Variants in FARP1 observed in about 807,000 individuals in gnomAD.
FARP1 encodes the protein FERM, ARHGEF and pleckstrin domain-containing protein 1.
Under a neutral mutation model 128.8 loss-of-function variants are expected in FARP1, and 52 were observed. The observed-to-expected ratio is 0.40, with a 90% confidence interval of 0.32 to 0.51. The LOEUF (loss-of-function observed/expected upper bound fraction) is 0.51, where lower values mean the gene tolerates loss of function less well. FARP1 is among the 20% of genes least tolerant of loss of function. The pLI, the probability that FARP1 is intolerant of heterozygous loss-of-function variation, is 0.45. For synonymous variants in FARP1, 580 were observed against 551.8 expected (o/e 1.05, Z -0.72); for missense variants, 1,333 against 1,367.9 (o/e 0.97, Z 0.40).
At chr13:98,353,850 A>AT (rs2139920503) in intron 3 of FARP1, among the ~76,000 whole-genome samples, 1 of 151,018 alleles carries the variant, frequency 6.6e-6, no homozygotes, top group East Asian at 1.9e-4. Context: ...GGTAGATCTC[A>AT]TGTTAACTCT....
chr13:98,406,994 GC>G (rs1219907710), intron 13 of FARP1: 3 of 152,676 alleles, frequency 2.0e-5, no homozygotes, highest in African/African-American at 7.2e-5. Context: ...GCTGTCTAGG[GC>G]CTGTTAGTTG....
intron 2 of FARP1, among the ~76,000 whole-genome samples, chr13:98,229,012 C>G (rs1881957114): frequency 6.6e-6 from 1 of 152,134 alleles, no homozygotes; most frequent in Non-Finnish European, 1.5e-5. Flanking sequence ...TTGTATAAAA[C>G]TTATCTTTGA....
intron 5 of FARP1, among the ~76,000 whole-genome samples, chr13:98,376,689 C>T (rs571799858): frequency 6.6e-6 from 1 of 151,698 alleles, no homozygotes; most frequent in Non-Finnish European, 1.5e-5. Context: ...TTTTCAGGAA[C>T]CTCCAAACTG....
At chr13:98,158,838 T>G (rs1198665416) in intron 1 of FARP1, among the ~76,000 whole-genome samples, 1 of 152,130 alleles carries the variant, frequency 6.6e-6, no homozygotes, top group African/African-American at 2.4e-5. Flanking sequence ...GGTTGTGTCT[T>G]CCGTCTGCGT....
At chr13:98,276,889 A>G (rs1884678045) in intron 2 of FARP1, among the ~76,000 whole-genome samples, 1 of 133,760 alleles carries the variant, frequency 7.5e-6, no homozygotes, top group South Asian at 2.3e-4. Flanking sequence ...GGTGGGAGGA[A>G]GGTAAAAAGG....
chr13:98,201,994 T>C (rs1276289691), intron 1 of FARP1, among the ~76,000 whole-genome samples: 1 of 152,232 alleles, frequency 6.6e-6, no homozygotes, highest in African/African-American at 2.4e-5. Context: ...GTTGTTTCTT[T>C]TGCTCACAGA....
intron 5 of FARP1, among the ~76,000 whole-genome samples, chr13:98,370,697 G>C (rs1294833780): frequency 6.6e-6 from 1 of 152,152 alleles, no homozygotes. Flanking sequence ...CCTGTTAGCT[G>C]TCCCATGACC....
chr13:98,372,450 C>G (rs1889389806), intron 5 of FARP1, among the ~76,000 whole-genome samples: 1 of 152,092 alleles, frequency 6.6e-6, no homozygotes, highest in Admixed American at 6.5e-5. Context: ...TTTAGCCACC[C>G]TTTGTTCTTC....
In FARP1 at chr13:98,431,245, A is replaced by ACCCG; in HGVS notation, c.2111_2114dup (p.Ser706AlafsTer47). The ACCCG allele has an allele frequency of 6.5e-7, 1 of 1,536,712 alleles. No individual in the cohort carries two copies. Among genetic ancestry groups the ACCCG allele is most frequent in the South Asian group, 1.2e-5 (1 of 81,146 alleles). On this transcript the variant is annotated frameshift_variant, in exon 18 of 27. Transcript: ENST00000319562. LOFTEE classifies it high-confidence loss of function. Reference sequence around the variant, plus strand: ...GTCCTGGAGCGGCTGTGCAAACACCACCCGCCGAGCCACGCCGACTTCAGG... The same window carrying ACCCG: ...GTCCTGGAGCGGCTGTGCAAACACCACCCGCCCGCCGAGCCACGCCGACTTCAGG...
In FARP1 at chr13:98,451,074, C is replaced by A. The variant is rs1442440600; in HGVS notation, c.*2757C>A. 6.6e-6 allele frequency: 1 copy of A among 152,172 alleles called. No individual in the cohort carries two copies. Among genetic ancestry groups the A allele is most frequent in the African/African-American group, 2.4e-5 (1 of 41,430 alleles). The allele number at this position is 152,172 out of a possible 1,614,324, so 9.4% of individuals were successfully genotyped here. ...ATACCAGTATTCATTAGAACCCAGT[C>A]CCTCGAGCGGCTCACCCACTGTTAC... is the stretch of plus-strand genomic sequence containing the variant. On this transcript the variant is annotated 3_prime_UTR_variant, in exon 27 of 27. Transcript: ENST00000319562.
chr13:98,224,536 AAAAAAAAAAG>A (rs1338651898), intron 2 of FARP1, among the ~76,000 whole-genome samples: 13 of 51,438 alleles, frequency 2.5e-4, no homozygotes, highest in African/African-American at 5.2e-4. Context: ...CAAAAAAAAA[AAAAAAAAAAG>A]AAAAAAAAAA....
chr13:98,313,544 G>A (rs1470580637), intron 2 of FARP1, among the ~76,000 whole-genome samples: 1 of 152,204 alleles, frequency 6.6e-6, no homozygotes, highest in Non-Finnish European at 1.5e-5. Context: ...TGAACTGTGA[G>A]AGAATAAACT....
chr13:98,182,261 GT>G (rs34992049), intron 1 of FARP1, among the ~76,000 whole-genome samples: 92,042 of 151,618 alleles, frequency 0.61, 28,745 homozygotes, highest in East Asian at 0.74. Context: ...TCTTTTTACT[GT>G]TTTTTTTTAC....
At chr13:98,317,988 T>TTCCTCTCTCCTTC in intron 2 of FARP1, among the ~76,000 whole-genome samples, 2 of 144,126 alleles carry the variant, frequency 1.4e-5, no homozygotes, top group South Asian at 2.3e-4. Context: ...CTCTCCTTCC[T>TTCCTCTCTCCTTC]CTTCCTCATC....
chr13:98,209,231 A>T (rs1880502708), intron 1 of FARP1, among the ~76,000 whole-genome samples: 1 of 151,816 alleles, frequency 6.6e-6, no homozygotes, highest in Non-Finnish European at 1.5e-5. Flanking sequence ...GATGGTCTCG[A>T]TCTCCTGACC....
intron 2 of FARP1, among the ~76,000 whole-genome samples, chr13:98,240,539 A>T (rs1198680068): frequency 1.3e-5 from 2 of 152,188 alleles, no homozygotes; most frequent in East Asian, 1.9e-4. Context: ...ATTATGAGAA[A>T]CTGTACCAGA....
In FARP1 at chr13:98,313,985, G is replaced by A. The variant is rs111751338; in HGVS notation, c.172-29777G>A. On this transcript the variant is annotated intron_variant, in intron 2 of 26. Transcript: ENST00000319562. ...GTCCCATCCTCACGGCTCACTCACCGTTTGGCAGGTTGCCAAGGCTGCCCA... is the reference window on the plus strand; with the variant it reads ...GTCCCATCCTCACGGCTCACTCACCATTTGGCAGGTTGCCAAGGCTGCCCA... Among the ~76,000 whole-genome samples the A allele has an allele frequency of 3.5e-3, 529 of 152,318 alleles. 4 individuals carry two copies. The highest frequency in any genetic ancestry group is 0.012 in the African/African-American group (490 of 41,568).
intron 2 of FARP1, among the ~76,000 whole-genome samples, chr13:98,309,062 A>G (rs2772357): frequency 0.79 from 119,177 of 151,450 alleles, 47,446 homozygotes; most frequent in East Asian, 1. Context: ...CTTGTTGGCA[A>G]TTTTGAAATG....
chr13:98,413,949 T>C (rs1891285953), intron 16 of FARP1, among the ~76,000 whole-genome samples: 1 of 152,152 alleles, frequency 6.6e-6, no homozygotes, highest in Non-Finnish European at 1.5e-5. Flanking sequence ...TTAAATAAGG[T>C]TGGAGAGGCC....
Sources: allele counts gnomAD v4.1 joint callset (sites outside exome capture counted in the v4.1 genomes callset), GRCh38; gene constraint gnomAD v4.1.1; transcripts MANE v1.5; gene names NCBI Gene and HGNC (gene_info 2026-07-23, HGNC 2026-07-21).